Variants in SPATA13 observed in about 807,000 individuals in gnomAD.
SPATA13 encodes spermatogenesis associated 13, also known as spermatogenesis-associated protein 13.
Under a neutral mutation model 104.0 loss-of-function variants are expected in SPATA13, and 50 were observed. That is an observed-to-expected ratio of 0.48 (90% CI 0.38 to 0.61). The LOEUF is 0.61. SPATA13 is among the 20% of genes least tolerant of loss of function. The pLI, the probability that SPATA13 is intolerant of heterozygous loss-of-function variation, is 0.00. For synonymous variants in SPATA13, 606 were observed against 667.5 expected (o/e 0.91, Z 1.42); for missense variants, 1,524 against 1,690.6 (o/e 0.90, Z 1.73).
At position 24,161,017 on chromosome 13, in the gene SPATA13, G is replaced by C; in HGVS notation, c.-112+85G>C. ...GAATATCGGGAGGATTTGAGTCCCA[G>C]TGGACTGCCTCGGGGCTTCGGGATG... On this transcript the variant is annotated intron_variant, in intron 1 of 12. Coordinates refer to ENST00000382108, the MANE Select transcript of SPATA13 (RefSeq NM_001166271.3). The surrounding 1 kb of genome is among the most constrained non-coding windows in gnomAD (Gnocchi z 4.5). The C allele has an allele frequency of 1.2e-6, 1 of 826,226 alleles. No homozygotes were observed. The highest frequency in any genetic ancestry group is 1.5e-6 in the Non-Finnish European group (1 of 684,070). The allele number at this position is 826,226 out of a possible 1,614,324, so 51.2% of individuals were successfully genotyped here. A position where few individuals can be genotyped will look rare whatever the true frequency, so the allele number is the denominator to read the frequency against.
chr13:24,062,624 G>T (rs555272563), intron 3 of SPATA13, among the ~76,000 whole-genome samples: 16 of 152,238 alleles, frequency 1.1e-4, no homozygotes, highest in African/African-American at 3.1e-4. Flanking sequence ...ATAGAAGTCG[G>T]GCTTCGGTGT....
At chr13:24,252,704 G>C (rs575445985) in intron 4 of SPATA13, 1 of 152,238 alleles carries the variant, frequency 6.6e-6, no homozygotes, top group Non-Finnish European at 1.5e-5. Flanking sequence ...TAATTTTAGC[G>C]TTCTTTTGTC....
At chr13:24,109,991 G>A (rs1439468246) in intron 3 of SPATA13, among the ~76,000 whole-genome samples, 1 of 148,824 alleles carries the variant, frequency 6.7e-6, no homozygotes, top group Admixed American at 6.8e-5. Flanking sequence ...TTCCATGTGA[G>A]AACTAATTTT....
chr13:24,147,782 G>A (rs898740914), intron 3 of SPATA13, among the ~76,000 whole-genome samples: 2 of 152,044 alleles, frequency 1.3e-5, no homozygotes, highest in Non-Finnish European at 2.9e-5. Flanking sequence ...GCCCCTGGCA[G>A]ACACCATTCT....
At position 24,223,693 on chromosome 13, in the gene SPATA13, C is replaced by T. The variant is rs377364615; in HGVS notation, c.764C>T (p.Thr255Met). The change falls in exon 2 of 13, where the codon ACG becomes ATG. Residue 255 changes from threonine to methionine, a missense_variant. This residue lies in a region of SPATA13 where 1,089 missense variants were observed against 1,135.9 expected (regional missense o/e 0.96). Coordinates refer to ENST00000382108, the MANE Select transcript of SPATA13 (RefSeq NM_001166271.3). Reference sequence around the variant, plus strand: ...ATGGGCTACAGGAGGAGCAAGAGCACGGACAATCTTGCCTTTCTGAAGAAG... The same window carrying T: ...ATGGGCTACAGGAGGAGCAAGAGCATGGACAATCTTGCCTTTCTGAAGAAG... ...NSMGYRRSKSTDNLAFLKKSS... is the reference protein window; with the variant it reads ...NSMGYRRSKSMDNLAFLKKSS... 4.6e-5 allele frequency: 72 copies of T among 1,552,066 alleles called. No homozygotes were observed. Among genetic ancestry groups the T allele is most frequent in the Middle Eastern group, 3.3e-4 (2 of 6,020 alleles).
intron 3 of SPATA13, among the ~76,000 whole-genome samples, chr13:24,068,821 AAC>A (rs1436275754): frequency 1.3e-5 from 2 of 152,096 alleles, no homozygotes; most frequent in African/African-American, 4.8e-5. Flanking sequence ...TCTTCTTTTG[AAC>A]AGTGTCTGTT....
intron 3 of SPATA13, among the ~76,000 whole-genome samples, chr13:24,087,444 T>A (rs1361093608): frequency 6.6e-6 from 1 of 152,216 alleles, no homozygotes; most frequent in Non-Finnish European, 1.5e-5. Context: ...AGAAAGTAGA[T>A]TGTGACCCTT....
chr13:24,266,409 T>C (rs1430997650), intron 4 of SPATA13, among the ~76,000 whole-genome samples: 1 of 152,066 alleles, frequency 6.6e-6, no homozygotes, highest in Admixed American at 6.6e-5. Flanking sequence ...CTTAGCCTCC[T>C]GAGCAACTGG....
chr13:24,290,495 G>C (rs1876266018), intron 8 of SPATA13, among the ~76,000 whole-genome samples, 157 bp from the exon 9 acceptor site: 1 of 152,148 alleles, frequency 6.6e-6, no homozygotes, highest in Non-Finnish European at 1.5e-5. Context: ...TGGCAGGGCA[G>C]CTTGGGTGCC....
intron 3 of SPATA13, among the ~76,000 whole-genome samples, chr13:24,125,327 C>G (rs761103728): frequency 9.2e-5 from 14 of 152,126 alleles, no homozygotes; most frequent in Admixed American, 8.5e-4. Flanking sequence ...TCCTGTCATT[C>G]CTAATGAGAC....
Position 24,011,215 on chromosome 13 carries a change from A to G in SPATA13, c.-146-6452A>G, listed in dbSNP as rs1223118829. Among the ~76,000 whole-genome samples the G allele has an allele frequency of 1.3e-5, 2 of 151,176 alleles. No homozygotes were observed. The highest frequency in any genetic ancestry group is 4.9e-5 in the African/African-American group (2 of 41,090). ...GCCTGGGTGCCACCTCCCAGCCTGGATCAGCACTCGGAGCTCCCACCTGCC... is the reference window on the plus strand; with the variant it reads ...GCCTGGGTGCCACCTCCCAGCCTGGGTCAGCACTCGGAGCTCCCACCTGCC... On this transcript the variant is annotated intron_variant, in intron 2 of 14. Coordinates refer to the SPATA13 transcript ENST00000424834. This position sits in a 1 kb window ranked among gnomAD's most constrained non-coding sequence, Gnocchi z 4.3.
chr13:24,196,954 T>C (rs1870089551), intron 1 of SPATA13, among the ~76,000 whole-genome samples: 1 of 152,100 alleles, frequency 6.6e-6, no homozygotes, highest in Non-Finnish European at 1.5e-5. Flanking sequence ...ATGAGCAAGC[T>C]GCTGAGTACG....
upstream of SPATA13, among the ~76,000 whole-genome samples, chr13:24,160,190 C>A (rs951697671): frequency 1.3e-5 from 2 of 152,242 alleles, no homozygotes; most frequent in Non-Finnish European, 2.9e-5. Flanking sequence ...GGAGATGAGA[C>A]TCCTCTTCCC....
rs1877614295 is a variant in SPATA13, at chr13:24,306,937, T to C, written c.*4164T>C. ...GACAGCCAAAGTATAGTGTACAAGATTGATGTAACTTGATATGTATTTTTG... is the reference window on the plus strand; with the variant it reads ...GACAGCCAAAGTATAGTGTACAAGACTGATGTAACTTGATATGTATTTTTG... On this transcript the variant is annotated 3_prime_UTR_variant, in exon 13 of 13. Transcript: ENST00000382108. The C allele has an allele frequency of 6.6e-6, 1 of 152,224 alleles. No individual in the cohort carries two copies. Among genetic ancestry groups the C allele is most frequent in the African/African-American group, 2.4e-5 (1 of 41,462 alleles). The allele number at this position is 152,224 out of a possible 1,614,324, so 9.4% of individuals were successfully genotyped here.
At chr13:24,030,032 G>T (rs1272323426) in intron 3 of SPATA13, among the ~76,000 whole-genome samples, 1 of 149,712 alleles carries the variant, frequency 6.7e-6, no homozygotes, top group East Asian at 2.0e-4. Flanking sequence ...TCTCATATAT[G>T]CCCTACCTTC....
chr13:24,087,204 TG>T (rs1429292096), intron 3 of SPATA13, among the ~76,000 whole-genome samples: 1 of 152,118 alleles, frequency 6.6e-6, no homozygotes, highest in Non-Finnish European at 1.5e-5. Flanking sequence ...GCCCAGGGTC[TG>T]GAGTGAAGAG....
chr13:24,303,018 G>C lies in SPATA13; in HGVS notation c.*245G>C, dbSNP rs1041250620. On this transcript the variant is annotated 3_prime_UTR_variant, in exon 13 of 13. Transcript: ENST00000382108. The stretch of plus-strand genomic sequence containing the variant: ...CACAGAAACACCCGTGACCCACTAT[G>C]AGATGGCCCAGATGTGGGACCCGGT... 1.8e-6 allele frequency: 1 copy of C among 541,990 alleles called. No homozygotes were observed. Among genetic ancestry groups the C allele is most frequent in the Non-Finnish European group, 3.3e-6 (1 of 301,106 alleles). The allele number at this position is 541,990 out of a possible 1,614,324, so 33.6% of individuals were successfully genotyped here.
In SPATA13 at chr13:24,223,948, G is replaced by A. The variant is rs1458628601; in HGVS notation, c.1019G>A (p.Gly340Glu). The change falls in exon 2 of 13, where the codon GGG becomes GAG. Residue 340 changes from glycine (G) to glutamate (E), a missense_variant. This residue lies in a region of SPATA13 where 1,089 missense variants were observed against 1,135.9 expected (regional missense o/e 0.96). Transcript: ENST00000382108. ...AAWRRESPRS[G>E]APSPGEASLR... is the part of the protein sequence containing the mutation. ...TGGAGGAGGGAGAGTCCTAGGAGTGGGGCCCCATCCCCTGGAGAGGCCAGC... is the reference window on the plus strand; with the variant it reads ...TGGAGGAGGGAGAGTCCTAGGAGTGAGGCCCCATCCCCTGGAGAGGCCAGC... 2.6e-6 allele frequency: 4 copies of A among 1,550,336 alleles called. No homozygotes were observed. Among genetic ancestry groups the A allele is most frequent in the Admixed American group, 3.9e-5 (2 of 50,938 alleles).
rs8002384 is a variant in SPATA13 at position 24,292,190 on chromosome 13, T to C, written c.3080+1306T>C. On this transcript the variant is annotated intron_variant, in intron 9 of 12. Transcript: ENST00000382108. ...TAATAGCCAACCATCATTTCGTGCA[T>C]GCACAGAAGCCTTTGTGTGGTTATA... 5.0e-3 allele frequency among the ~76,000 whole-genome samples: 769 copies of C among 152,360 alleles called. 10 individuals carry two copies. The highest frequency in any genetic ancestry group is 0.018 in the African/African-American group (728 of 41,584).
Sources: allele counts gnomAD v4.1 joint callset (sites outside exome capture counted in the v4.1 genomes callset), GRCh38; gene constraint gnomAD v4.1.1; regional missense constraint gnomAD v4.1.1; non-coding constraint Gnocchi (gnomAD v3.1); transcripts MANE v1.5; gene names NCBI Gene and HGNC (gene_info 2026-07-23, HGNC 2026-07-21).